The following ATP13A4 variants were observed in gnomAD, a reference collection of about 807,000 sequenced individuals.
ATP13A4 encodes ATPase 13A4, also known as probable cation-transporting ATPase 13A4.
Under a neutral mutation model 142.5 loss-of-function variants are expected in ATP13A4, and 114 were observed. That is an observed-to-expected ratio of 0.80 (90% CI 0.69 to 0.93). The LOEUF (loss-of-function observed/expected upper bound fraction) is 0.93. ATP13A4 is among the 40% of genes least tolerant of loss of function. The pLI, the probability that ATP13A4 is intolerant of heterozygous loss-of-function variation, is 0.00. For missense variants in ATP13A4, 1,392 were observed against 1,454.0 expected, an observed-to-expected ratio of 0.96 and a Z score of 0.69; for synonymous variants, 488 against 514.8, an observed-to-expected ratio of 0.95 and a Z score of 0.70.
intron 2 of ATP13A4, among the ~76,000 whole-genome samples, chr3:193,503,966 C>T (rs1343431468): frequency 6.9e-6 from 1 of 145,666 alleles, no homozygotes; most frequent in Non-Finnish European, 1.5e-5. Flanking sequence ...GTCTGCACTT[C>T]AGCCAGGCTT....
intron 6 of ATP13A4, among the ~76,000 whole-genome samples, chr3:193,490,419 TGAAGTCATTAAG>T (rs1373402212): frequency 2.6e-5 from 4 of 152,242 alleles, no homozygotes; most frequent in Non-Finnish European, 5.9e-5. Flanking sequence ...CTGCCATATT[TGAAGTCATTAAG>T]GAACTTGATT....
In ATP13A4 at chr3:193,514,876, G is replaced by A; in HGVS notation, c.61-5C>T. On this transcript the variant is annotated splice_region_variant and splice_polypyrimidine_tract_variant and intron_variant, in intron 1 of 29. Transcript: ENST00000342695. ...AGTCCGATAGCCAAATATCTCCTGG[G>A]ACAGAATCAAAATGATACCAAATAT... The A allele has an allele frequency of 6.2e-7, 1 of 1,613,780 alleles. No individual in the cohort carries two copies. The highest frequency in any genetic ancestry group is 8.5e-7 in the Non-Finnish European group (1 of 1,179,740).
chr3:193,571,364 T>C (rs1477581811), intron 2 of ATP13A4, among the ~76,000 whole-genome samples: 1 of 151,882 alleles, frequency 6.6e-6, no homozygotes, highest in Non-Finnish European at 1.5e-5. Flanking sequence ...AGATAAATCT[T>C]CCGTACAGAA....
rs150223603 is a variant in ATP13A4, at chr3:193,506,203, T to A, written c.235-3564A>T. 1.1e-3 allele frequency among the ~76,000 whole-genome samples: 175 copies of A among 152,330 alleles called. No individual in the cohort carries two copies. The East Asian group carries it at 0.025, about 22-fold the overall frequency. ...CTTCTACTTTAGTCTGTTTCCCAGC[T>A]CTCTTCAAAGCAGGTAATGATTTGT... On this transcript the variant is annotated intron_variant, in intron 2 of 29. Transcript: ENST00000342695.
intron 7 of ATP13A4, among the ~76,000 whole-genome samples, 162 bp downstream of exon 7, chr3:193,489,568 C>T (rs2108663216): frequency 6.6e-6 from 1 of 152,276 alleles, no homozygotes; most frequent in South Asian, 2.1e-4. Context: ...AGGGAAAGGA[C>T]TAAATTGTTG....
At chr3:193,514,205 T>C (rs930426114) in intron 2 of ATP13A4, among the ~76,000 whole-genome samples, 1 of 152,168 alleles carries the variant, frequency 6.6e-6, no homozygotes, top group Non-Finnish European at 1.5e-5. Context: ...TTAGTACCCA[T>C]TAATTGTTTT....
Position 193,501,545 on chromosome 3 carries a change from G to A in ATP13A4, c.381+948C>T, listed in dbSNP as rs546190535. On this transcript the variant is annotated intron_variant, in intron 3 of 29. Transcript: ENST00000342695. ...GGAGGTTGCAGTGAGCCAAGACAGC[G>A]CCATTGCACTCCACCCTGGGCAACA... Among the ~76,000 whole-genome samples, 135 of 149,036 alleles carry A rather than the reference G, an allele frequency of 9.1e-4. 2 individuals are homozygous for A. The South Asian group carries it at 0.012, about 13-fold the overall frequency.
intron 25 of ATP13A4, among the ~76,000 whole-genome samples, chr3:193,430,755 G>A (rs540921797): frequency 3.3e-5 from 5 of 152,086 alleles, no homozygotes; most frequent in Non-Finnish European, 7.4e-5. Flanking sequence ...GTGGGTAGAG[G>A]TGAAGTTGGT....
chr3:193,560,497 C>G (rs941322457), intron 2 of ATP13A4, among the ~76,000 whole-genome samples: 1 of 152,186 alleles, frequency 6.6e-6, no homozygotes, highest in Non-Finnish European at 1.5e-5. Context: ...TGTCAGCCAC[C>G]ATGCCCGGCT....
At chr3:193,403,627 C>T (rs1714355161) in intron 29 of ATP13A4, 1 of 499,666 alleles carries the variant, frequency 2.0e-6, no homozygotes, top group Admixed American at 6.4e-5. Context: ...ATTAAGATTA[C>T]AAAAGACATG....
intron 24 of ATP13A4, among the ~76,000 whole-genome samples, chr3:193,434,160 G>A (rs1197969056): frequency 1.3e-5 from 2 of 152,062 alleles, no homozygotes; most frequent in African/African-American, 4.8e-5. Context: ...GGGATTGTTT[G>A]TGCATCCTTA....
At chr3:193,557,537 G>T (rs1560282347), upstream of ATP13A4, among the ~76,000 whole-genome samples, 1 of 152,184 alleles carries the variant, frequency 6.6e-6, no homozygotes, top group Non-Finnish European at 1.5e-5. Context: ...AAGCCTCTGT[G>T]GTTGATACTA....
chr3:193,457,368 G>A lies in ATP13A4; in HGVS notation c.1761+11C>T, dbSNP rs749203222. The A allele has an allele frequency of 1.1e-5, 17 of 1,613,730 alleles. No individual in the cohort carries two copies. The highest frequency in any genetic ancestry group is 4.0e-5 in the African/African-American group (3 of 74,950). ...TTGGGTGTTGTGGGGTGAAGAGCAA[G>A]CAGGGCTTACCTGGCTGGCTGTTCT... On this transcript the variant is annotated intron_variant, in intron 15 of 29. Coordinates refer to ENST00000342695, the MANE Select transcript of ATP13A4 (RefSeq NM_032279.4).
At chr3:193,467,081 G>A (rs949820538) in intron 10 of ATP13A4, among the ~76,000 whole-genome samples, 2 of 152,042 alleles carry the variant, frequency 1.3e-5, no homozygotes, top group African/African-American at 2.4e-5. Context: ...AACTGCTTGA[G>A]GGAATAGATA....
At chr3:193,539,517 C>A (rs958758991) in intron 1 of ATP13A4, among the ~76,000 whole-genome samples, 3 of 152,212 alleles carry the variant, frequency 2.0e-5, no homozygotes, top group Non-Finnish European at 2.9e-5. Flanking sequence ...AGAATACTTT[C>A]TGGAGGGCTC....
At chr3:193,548,567 G>A (rs1723355270) in intron 1 of ATP13A4, among the ~76,000 whole-genome samples, 1 of 152,178 alleles carries the variant, frequency 6.6e-6, no homozygotes, top group East Asian at 1.9e-4. Context: ...CCCCCACTAT[G>A]AGATCTGTGG....
chr3:193,410,443 T>C (rs906435518), intron 28 of ATP13A4, among the ~76,000 whole-genome samples: 2 of 152,230 alleles, frequency 1.3e-5, no homozygotes, highest in Admixed American at 1.3e-4. Flanking sequence ...TTAGATGCAG[T>C]GGCTTAAGCC....
intron 16 of ATP13A4, among the ~76,000 whole-genome samples, chr3:193,455,340 CAAAAAAAAAAA>C (rs71179306): frequency 1.3e-5 from 1 of 75,606 alleles, no homozygotes; most frequent in Non-Finnish European, 2.5e-5. Context: ...GACTCCGTCT[CAAAAAAAAAAA>C]AAAAAAAAAA....
chr3:193,438,698 T>A, intron 22 of ATP13A4, 114 bp from the exon 23 acceptor site: 1 of 883,140 alleles, frequency 1.1e-6, no homozygotes, highest in Non-Finnish European at 1.8e-6. Flanking sequence ...GCCCAAACTC[T>A]AACCAAGAGA....
Sources: gnomAD v4.1 joint callset for allele counts (sites outside exome capture counted in the v4.1 genomes callset) on GRCh38, gnomAD v4.1.1 for gene constraint, MANE v1.5 for transcripts, NCBI Gene and HGNC (gene_info 2026-07-23, HGNC 2026-07-21) for gene names.